Variants in TACC1 observed in about 807,000 individuals in gnomAD.
TACC1 encodes transforming acidic coiled-coil-containing protein 1.
In TACC1, 48 loss-of-function variants were observed where a neutral mutation model predicts 84.4. The observed-to-expected ratio is 0.57, with a 90% CI of 0.45 to 0.72. The LOEUF is 0.72. Among genes scored for constraint, TACC1 ranks in the 30% least tolerant of loss-of-function variants. The probability of loss-of-function intolerance (pLI) is 0.00; values close to 1 mark genes in which losing one functional copy is unlikely to be tolerated. For synonymous variants in TACC1, 372 were observed against 376.3 expected (o/e 0.99, Z 0.13); for missense variants, 920 against 973.0 (o/e 0.95, Z 0.72).
At chr8:38,784,718 C>CA (rs1272228792), upstream of TACC1, among the ~76,000 whole-genome samples, 1 of 152,204 alleles carries the variant, frequency 6.6e-6, no homozygotes, top group Non-Finnish European at 1.5e-5. Context: ...TAGCCAAACT[C>CA]ACAAGGACTA....
intron 3 of TACC1, among the ~76,000 whole-genome samples, chr8:38,776,630 CTG>C (rs1814846842): frequency 6.6e-6 from 1 of 152,164 alleles, no homozygotes; most frequent in Non-Finnish European, 1.5e-5. Flanking sequence ...AAAGTTTTGA[CTG>C]TGTTTTGACT....
intron 2 of TACC1, among the ~76,000 whole-genome samples, chr8:38,790,899 G>A (rs935921181): frequency 2.6e-5 from 4 of 152,144 alleles, no homozygotes; most frequent in African/African-American, 7.2e-5. Context: ...TGTGTGCGAC[G>A]CATAGCTGTG....
chr8:38,823,383 G>A (rs937114971), intron 3 of TACC1, among the ~76,000 whole-genome samples: 1 of 152,178 alleles, frequency 6.6e-6, no homozygotes, highest in Non-Finnish European at 1.5e-5. Flanking sequence ...TACTGGGCAC[G>A]TCACTGCCTA....
intron 2 of TACC1, among the ~76,000 whole-genome samples, chr8:38,804,242 T>G (rs897782323): frequency 6.6e-6 from 1 of 152,320 alleles, no homozygotes; most frequent in East Asian, 1.9e-4. Flanking sequence ...TTTCATTAAA[T>G]TTCTTTGCAT....
At chr8:38,809,125 C>T (rs1823457824) in intron 2 of TACC1, among the ~76,000 whole-genome samples, 2 of 152,106 alleles carry the variant, frequency 1.3e-5, no homozygotes, top group Non-Finnish European at 1.5e-5. Flanking sequence ...TTTCCTTCTG[C>T]ATTCCACCAT....
intron 2 of TACC1, among the ~76,000 whole-genome samples, chr8:38,814,007 G>A (rs1162515915): frequency 6.6e-6 from 1 of 152,144 alleles, no homozygotes; most frequent in Non-Finnish European, 1.5e-5. Context: ...GGATAGGATG[G>A]TCTTCTGTCT....
chr8:38,772,658 C>T (rs2151897679), intron 3 of TACC1, among the ~76,000 whole-genome samples: 1 of 152,162 alleles, frequency 6.6e-6, no homozygotes, highest in East Asian at 1.9e-4. Flanking sequence ...ATGAAGAAAA[C>T]AAGCGGCATA....
chr8:38,811,333 C>G (rs993129165), intron 2 of TACC1, among the ~76,000 whole-genome samples: 1 of 152,126 alleles, frequency 6.6e-6, no homozygotes, highest in Non-Finnish European at 1.5e-5. Context: ...CTAAAACTTA[C>G]AAATCATCTT....
chr8:38,734,898 C>T (rs756445352), intron 1 of TACC1, among the ~76,000 whole-genome samples: 1 of 152,264 alleles, frequency 6.6e-6, no homozygotes, highest in South Asian at 2.1e-4. Context: ...AGCTGGCTCT[C>T]CAGGGCCGGT....
chr8:38,839,881 T>A (rs60982083), intron 8 of TACC1: 1,911 of 179,558 alleles, frequency 0.011, 41 homozygotes, highest in African/African-American at 0.043. Flanking sequence ...AAGAATATCT[T>A]TAACTTAGTT....
intron 3 of TACC1, among the ~76,000 whole-genome samples, chr8:38,745,998 G>T (rs1459871280): frequency 2.0e-5 from 3 of 152,008 alleles, no homozygotes; most frequent in African/African-American, 7.2e-5. Context: ...AATATTTTTT[G>T]TAGACATGGG....
rs1347410304 is a variant in TACC1, at chr8:38,729,063, A to C, written c.-675+392A>C. 4.1e-5 allele frequency among the ~76,000 whole-genome samples: 6 copies of C among 144,748 alleles called. No homozygotes were observed. The East Asian group carries it at 1.5e-3, about 35-fold the overall frequency. The allele number at this position is 144,748 out of a possible 152,430, so 95.0% of individuals were successfully genotyped here. ...CCTGAAATGCCCAGGAGCAGTCATA[A>C]ATACCTTCATCTGGGAATAGATTCG... On this transcript the variant is annotated intron_variant, in intron 1 of 14. Coordinates refer to the TACC1 transcript ENST00000518415.
At position 38,819,668 on chromosome 8, in the gene TACC1, G is replaced by A; in HGVS notation, c.424G>A (p.Asp142Asn). Residue 142 changes from aspartate to asparagine, a missense_variant, in exon 3 of 13, where the codon GAT becomes AAT. Asp to Asn is a conservative substitution (Grantham distance 23). Around this residue, in one of 2 missense-constraint regions of TACC1, gnomAD observed 762 missense variants for 747.3 expected, o/e 1.02. Coordinates refer to ENST00000317827, the MANE Select transcript of TACC1 (RefSeq NM_006283.3). ...GAATTTCAGAGAAGAACCTGAACAT[G>A]ATTTTAGCAAAATTTCCATCGTGAG... ...VKNFREEPEH[D>N]FSKISIVRPF... The A allele has an allele frequency of 2.5e-6, 4 of 1,614,200 alleles. No homozygotes were observed. Among genetic ancestry groups the A allele is most frequent in the Non-Finnish European group, 3.4e-6 (4 of 1,180,040 alleles).
intron 3 of TACC1, among the ~76,000 whole-genome samples, chr8:38,760,060 A>T (rs556206665): frequency 2.0e-5 from 3 of 152,208 alleles, no homozygotes; most frequent in Admixed American, 2.0e-4. Flanking sequence ...CATGAAAGTC[A>T]TATGAATAAT....
intron 2 of TACC1, among the ~76,000 whole-genome samples, chr8:38,800,187 C>T (rs1821023735): frequency 6.6e-6 from 1 of 152,204 alleles, no homozygotes; most frequent in Non-Finnish European, 1.5e-5. Context: ...CTAGAAATCA[C>T]AGGACATTCC....
chr8:38,783,681 A>G (rs530156978), upstream of TACC1, among the ~76,000 whole-genome samples: 2 of 152,322 alleles, frequency 1.3e-5, no homozygotes, highest in African/African-American at 4.8e-5. Flanking sequence ...TTGGCCTCCC[A>G]AAGTGTGGGA....
chr8:38,803,509 T>TTGAGATGATCATGTGTGTTTTG (rs1821914351), intron 2 of TACC1, among the ~76,000 whole-genome samples: 1 of 152,232 alleles, frequency 6.6e-6, no homozygotes, highest in Admixed American at 6.5e-5. Flanking sequence ...TCTGTGTGTA[T>TTGAGATGATCATGTGTGTTTTG]TGAGATGATC....
intron 1 of TACC1, among the ~76,000 whole-genome samples, chr8:38,730,366 C>A (rs780814684): frequency 6.6e-6 from 1 of 152,268 alleles, no homozygotes; most frequent in Non-Finnish European, 1.5e-5. Flanking sequence ...GCCTCTCTCT[C>A]CAAGTCTTTT....
In TACC1 at chr8:38,819,812, G is replaced by A. The variant is rs760101311; in HGVS notation, c.568G>A (p.Ala190Thr). The A allele has an allele frequency of 2.2e-5, 36 of 1,613,772 alleles. 1 individual carries two copies. The highest frequency in any genetic ancestry group is 2.5e-5 in the Non-Finnish European group (30 of 1,180,034). ...GGCTCTGCCTTCCAGCCCGCCAGAC[G>A]CCCTCCAGGACGAGGCGATGACAGA... ...GKALPSSPPD[A>T]LQDEAMTEGS... Residue 190 changes from alanine to threonine, a missense_variant, in exon 3 of 13, where the codon GCC becomes ACC. By Grantham distance (58) the Ala-to-Thr change is moderately conservative. Coordinates refer to ENST00000317827, the MANE Select transcript of TACC1 (RefSeq NM_006283.3).
Sources: allele counts gnomAD v4.1 joint callset (sites outside exome capture counted in the v4.1 genomes callset), GRCh38; gene constraint gnomAD v4.1.1; regional missense constraint gnomAD v4.1.1; transcripts MANE v1.5; gene names NCBI Gene and HGNC (gene_info 2026-07-23, HGNC 2026-07-21).